The following CADM1 variants were observed in gnomAD, a reference collection of about 807,000 sequenced individuals.
CADM1 encodes cell adhesion molecule 1, also known as TSLC-1.
In CADM1, 15 loss-of-function variants were observed where a neutral mutation model predicts 53.1. The ratio of observed to expected loss-of-function variants is 0.28; its 90% CI spans 0.19 to 0.44. The LOEUF is 0.44. CADM1 is among the 20% of genes least tolerant of loss of function. The pLI is 1.00. For synonymous variants in CADM1, 281 were observed against 243.0 expected, an observed-to-expected ratio of 1.16 and a Z score of -1.45; for missense variants, 434 against 611.3, an observed-to-expected ratio of 0.71 and a Z score of 3.06.
chr11:115,196,595 T>TCAA (rs747386680), intron 9 of CADM1, among the ~76,000 whole-genome samples: 1 of 76,894 alleles, frequency 1.3e-5, no homozygotes, highest in East Asian at 5.0e-4. Flanking sequence ...GCTGATGAAC[T>TCAA]AAAAAAAAAA....
chr11:115,282,676 G>C lies in CADM1; in HGVS notation c.125-42256C>G, dbSNP rs183928681. On this transcript the variant is annotated intron_variant, in intron 1 of 11. Coordinates refer to ENST00000331581, the MANE Select transcript of CADM1 (RefSeq NM_001301043.2). ...TTGTTAGAGGAGACAGATGACCAAG[G>C]CAGCTCTCCATGGAGGCTGCATTTT... is the stretch of plus-strand genomic sequence containing the variant. 1.8e-3 allele frequency among the ~76,000 whole-genome samples: 268 copies of C among 152,228 alleles called. 2 individuals carry two copies. The highest frequency in any genetic ancestry group is 3.7e-4 in the Non-Finnish European group (25 of 68,022).
chr11:115,386,803 G>A (rs1325352218), intron 1 of CADM1, among the ~76,000 whole-genome samples: 1 of 152,132 alleles, frequency 6.6e-6, no homozygotes, highest in Non-Finnish European at 1.5e-5. Flanking sequence ...TTTTGGAGGA[G>A]ACAAACATTC....
intron 9 of CADM1, among the ~76,000 whole-genome samples, chr11:115,195,841 G>C (rs908724055): frequency 6.6e-6 from 1 of 152,164 alleles, no homozygotes; most frequent in Admixed American, 6.5e-5. Context: ...GGGTTAAAGA[G>C]TATGCTCTTT....
intron 1 of CADM1, among the ~76,000 whole-genome samples, chr11:115,470,727 G>A (rs1948994366): frequency 6.6e-6 from 1 of 152,146 alleles, no homozygotes; most frequent in Admixed American, 6.5e-5. Context: ...TGTCCTGGTA[G>A]AGTTAATAAA....
Position 115,173,789 on chromosome 11 carries a change from C to G in CADM1, c.*2685G>C. 1 of 983,702 alleles carries G rather than the reference C, an allele frequency of 1.0e-6. No individual in the cohort carries two copies. The highest frequency in any genetic ancestry group is 1.2e-6 in the Non-Finnish European group (1 of 829,400). 60.9% of individuals were successfully genotyped at this position (983,702 alleles called of 1,614,324 possible). A position where few individuals can be genotyped will look rare whatever the true frequency, so the allele number is the denominator to read the frequency against. On this transcript the variant is annotated 3_prime_UTR_variant, in exon 12 of 12. Transcript: ENST00000331581. The stretch of plus-strand genomic sequence containing the variant: ...TACACTGTAACATTGTCCATGTACA[C>G]CTTAAAAACAGAACTGGCCTAAAGG...
At chr11:115,191,049 C>T in intron 9 of CADM1, 108 bp from the exon 10 acceptor site, 2 of 877,118 alleles carry the variant, frequency 2.3e-6, no homozygotes, top group Non-Finnish European at 3.6e-6. Context: ...AAATCTCTTG[C>T]TATCTATGTT....
At chr11:115,397,817 T>C (rs183396) in intron 1 of CADM1, among the ~76,000 whole-genome samples, 3,209 of 152,250 alleles carry the variant, frequency 0.021, 124 homozygotes, top group African/African-American at 0.067. Flanking sequence ...AAATGGTGGA[T>C]AAAAATTTTG....
intron 1 of CADM1, among the ~76,000 whole-genome samples, chr11:115,436,168 C>T (rs1485357515): frequency 6.6e-6 from 1 of 152,194 alleles, no homozygotes; most frequent in Non-Finnish European, 1.5e-5. Flanking sequence ...TACACACATA[C>T]ATACATATTC....
intron 1 of CADM1, among the ~76,000 whole-genome samples, chr11:115,488,154 T>G (rs1048761664): frequency 6.6e-6 from 1 of 152,006 alleles, no homozygotes; most frequent in African/African-American, 2.4e-5. Flanking sequence ...GCCTAAGAAA[T>G]GCAAGCTGTG....
intron 1 of CADM1, among the ~76,000 whole-genome samples, chr11:115,458,709 C>A (rs1023079722): frequency 2.0e-5 from 3 of 151,960 alleles, no homozygotes; most frequent in Non-Finnish European, 2.9e-5. Flanking sequence ...AATACCACTT[C>A]TGTGGCTTGT....
At chr11:115,360,738 G>A (rs1483710141) in intron 1 of CADM1, among the ~76,000 whole-genome samples, 5 of 152,194 alleles carry the variant, frequency 3.3e-5, no homozygotes, top group Admixed American at 2.0e-4. Flanking sequence ...CAAAATAAAA[G>A]TGTCTGGAAG....
intron 1 of CADM1, among the ~76,000 whole-genome samples, chr11:115,262,131 C>CT (rs895235518): frequency 2.2e-4 from 33 of 150,514 alleles, no homozygotes; most frequent in Non-Finnish European, 4.3e-4. Flanking sequence ...TTGTGTCACA[C>CT]TTTTTTTGTC....
rs758785520 is a variant in CADM1 at position 115,393,066 on chromosome 11, CAAAAAAAAAAAAA to C, written c.124+111192_124+111204del. ...CAACATAGCGAGACCCCATCTCTTC[CAAAAAAAAAAAAA>C]AAAAAAAAAAAGGAGAAATAGCCCA... is the stretch of plus-strand genomic sequence containing the variant. On this transcript the variant is annotated intron_variant, in intron 1 of 11. Transcript: ENST00000331581. 1.2e-4 allele frequency among the ~76,000 whole-genome samples: 6 copies of C among 50,220 alleles called. 1 individual carries two copies. Among genetic ancestry groups the C allele is most frequent in the African/African-American group, 3.0e-4 (4 of 13,386 alleles). 32.9% of individuals were successfully genotyped at this position (50,220 alleles called of 152,430 possible).
In CADM1 at chr11:115,360,118, C is replaced by G. The variant is rs528423711; in HGVS notation, c.125-119698G>C. Among the ~76,000 whole-genome samples, 4 of 152,244 alleles carry G rather than the reference C, an allele frequency of 2.6e-5. No individual in the cohort carries two copies. The South Asian group carries it at 8.3e-4, about 32-fold the overall frequency. On this transcript the variant is annotated intron_variant, in intron 1 of 11. Coordinates refer to ENST00000331581, the MANE Select transcript of CADM1 (RefSeq NM_001301043.2). Reference sequence around the variant, plus strand: ...CTCTCTTTGGAAATAAAATAATATACCTGCTACTTTGACATTTGTATAAGT... The same window carrying G: ...CTCTCTTTGGAAATAAAATAATATAGCTGCTACTTTGACATTTGTATAAGT...
intron 9 of CADM1, among the ~76,000 whole-genome samples, chr11:115,191,790 A>G (rs1332285567): frequency 6.6e-6 from 1 of 152,234 alleles, no homozygotes; most frequent in East Asian, 1.9e-4. Context: ...TAGACATTCA[A>G]TGTGGCTTTA....
chr11:115,291,749 T>A (rs1427729442), intron 1 of CADM1, among the ~76,000 whole-genome samples: 3 of 152,198 alleles, frequency 2.0e-5, no homozygotes, highest in Non-Finnish European at 4.4e-5. Flanking sequence ...CAAGAGAATA[T>A]TAATTAATAC....
At chr11:115,335,608 C>A (rs551423248) in intron 1 of CADM1, among the ~76,000 whole-genome samples, 17 of 152,234 alleles carry the variant, frequency 1.1e-4, no homozygotes, top group African/African-American at 4.1e-4. Context: ...CAAAGAACTT[C>A]TCATACTCTG....
intron 10 of CADM1, among the ~76,000 whole-genome samples, chr11:115,187,567 A>G (rs1046441541): frequency 2.6e-5 from 4 of 152,060 alleles, no homozygotes; most frequent in African/African-American, 9.7e-5. Context: ...CCCGCCCCCA[A>G]GTAGCTGGGA....
intron 1 of CADM1, among the ~76,000 whole-genome samples, chr11:115,422,012 G>A (rs1428571948): frequency 1.3e-5 from 2 of 152,164 alleles, no homozygotes; most frequent in Admixed American, 6.5e-5. Flanking sequence ...CTTGAATCTA[G>A]CAATTAACTT....
Sources: gnomAD v4.1 joint callset for allele counts (sites outside exome capture counted in the v4.1 genomes callset) on GRCh38, gnomAD v4.1.1 for gene constraint, MANE v1.5 for transcripts, NCBI Gene and HGNC (gene_info 2026-07-23, HGNC 2026-07-21) for gene names.